Variants in NTNG1 observed in about 807,000 individuals in gnomAD.
The protein encoded by NTNG1 is netrin-G1.
NTNG1 carries 16 observed loss-of-function variants against 54.0 expected under a neutral mutation model. The ratio of observed to expected loss-of-function variants is 0.30; its 90% CI spans 0.20 to 0.45. The LOEUF (loss-of-function observed/expected upper bound fraction) is 0.45, where lower values mean the gene tolerates loss of function less well. Among genes scored for constraint, NTNG1 ranks in the 20% least tolerant of loss-of-function variants. NTNG1 has a pLI of 1.00. For missense variants in NTNG1, 530 were observed against 678.7 expected, an observed-to-expected ratio of 0.78 and a Z score of 2.43; for synonymous variants, 255 against 263.1, an observed-to-expected ratio of 0.97 and a Z score of 0.30.
rs115246201 is a variant in NTNG1, at chr1:107,313,304, C to T, written c.247-10978C>T. 3.4e-3 allele frequency among the ~76,000 whole-genome samples: 525 copies of T among 152,210 alleles called. 2 individuals carry two copies. Among genetic ancestry groups the T allele is most frequent in the African/African-American group, 0.012 (512 of 41,510 alleles). On this transcript the variant is annotated intron_variant, in intron 2 of 7. Transcript: ENST00000370068. The stretch of plus-strand genomic sequence containing the variant: ...TGGCAGGAATATTTCCAAGTGATAC[C>T]TGCCTCGTTTGGACCCACCCAATAG...
chr1:107,149,168 A>G (rs1032832137), intron 2 of NTNG1, among the ~76,000 whole-genome samples: 1 of 152,236 alleles, frequency 6.6e-6, no homozygotes, highest in Non-Finnish European at 1.5e-5. Flanking sequence ...AAATATGATT[A>G]GGTCATATCT....
At chr1:107,383,178 G>A (rs1368026788) in intron 3 of NTNG1, among the ~76,000 whole-genome samples, 1 of 152,106 alleles carries the variant, frequency 6.6e-6, no homozygotes, top group Non-Finnish European at 1.5e-5. Flanking sequence ...AAGTAGACAA[G>A]TATACATATT....
At chr1:107,216,867 T>C (rs1444408851) in intron 2 of NTNG1, among the ~76,000 whole-genome samples, 3 of 152,014 alleles carry the variant, frequency 2.0e-5, no homozygotes, top group East Asian at 3.9e-4. Context: ...TTAGTAGAGA[T>C]GGGGTTTCAC....
chr1:107,360,014 TAATC>T (rs1171023963), intron 3 of NTNG1, among the ~76,000 whole-genome samples: 3 of 152,196 alleles, frequency 2.0e-5, no homozygotes, highest in Non-Finnish European at 4.4e-5. Context: ...GCATACCTCT[TAATC>T]AAGCCTAAAC....
chr1:107,394,560 G>A (rs1240989502), intron 3 of NTNG1, among the ~76,000 whole-genome samples: 2 of 152,038 alleles, frequency 1.3e-5, no homozygotes, highest in East Asian at 1.9e-4. Context: ...ACCCCCCTTC[G>A]GGTCTGTTAG....
chr1:107,158,912 A>G (rs1213357781), intron 2 of NTNG1, among the ~76,000 whole-genome samples: 1 of 152,204 alleles, frequency 6.6e-6, no homozygotes, highest in Non-Finnish European at 1.5e-5. Flanking sequence ...TGGGATGTGT[A>G]AAACTATAAA....
At chr1:107,207,192 T>C (rs1005189709) in intron 2 of NTNG1, among the ~76,000 whole-genome samples, 1 of 152,176 alleles carries the variant, frequency 6.6e-6, no homozygotes, top group African/African-American at 2.4e-5. Context: ...TGACACAGCT[T>C]TGTTATCCTC....
At chr1:107,167,564 C>T (rs1655900781) in intron 2 of NTNG1, among the ~76,000 whole-genome samples, 1 of 151,286 alleles carries the variant, frequency 6.6e-6, no homozygotes, top group South Asian at 2.1e-4. Flanking sequence ...AGGTAAAAGC[C>T]TCATTTAAAA....
chr1:107,302,041 T>G (rs567162061), intron 2 of NTNG1, among the ~76,000 whole-genome samples: 2 of 152,254 alleles, frequency 1.3e-5, no homozygotes, highest in South Asian at 4.1e-4. Context: ...TCCAACCTCT[T>G]TATATTACAA....
intron 7 of NTNG1, among the ~76,000 whole-genome samples, chr1:107,447,703 C>T (rs1676391637): frequency 6.6e-6 from 1 of 152,040 alleles, no homozygotes; most frequent in African/African-American, 2.4e-5. Context: ...TTCAATACGT[C>T]CTTTCAAATA....
intron 3 of NTNG1, among the ~76,000 whole-genome samples, chr1:107,386,573 C>CT (rs1308746562): frequency 6.6e-6 from 1 of 152,148 alleles, no homozygotes; most frequent in African/African-American, 2.4e-5. Context: ...GTACTTCATT[C>CT]TTTTTTATGG....
intron 3 of NTNG1, among the ~76,000 whole-genome samples, chr1:107,360,629 T>A (rs1364517253): frequency 6.6e-6 from 1 of 152,248 alleles, no homozygotes; most frequent in Non-Finnish European, 1.5e-5. Flanking sequence ...ATAATTTATT[T>A]GAATTCTGAA....
At chr1:107,149,559 G>T (rs1012765325) in intron 2 of NTNG1, among the ~76,000 whole-genome samples, 3 of 152,118 alleles carry the variant, frequency 2.0e-5, no homozygotes, top group African/African-American at 7.2e-5. Flanking sequence ...CAAAGTTACA[G>T]AATTCATTGT....
At chr1:107,363,014 T>G (rs901467172) in intron 3 of NTNG1, among the ~76,000 whole-genome samples, 8 of 152,238 alleles carry the variant, frequency 5.3e-5, no homozygotes, top group African/African-American at 1.9e-4. Flanking sequence ...GAAGGCTGGC[T>G]GACTGAATTT....
intron 2 of NTNG1, among the ~76,000 whole-genome samples, chr1:107,288,783 G>T (rs1384523129): frequency 6.6e-6 from 1 of 152,114 alleles, no homozygotes. Context: ...TTTTGAGAAG[G>T]TTTAATTTAT....
intron 3 of NTNG1, among the ~76,000 whole-genome samples, chr1:107,344,961 A>G (rs990606601): frequency 1.2e-4 from 19 of 152,196 alleles, no homozygotes; most frequent in African/African-American, 4.6e-4. Context: ...TTTAAAACAG[A>G]TGAAAACTAT....
intron 2 of NTNG1, among the ~76,000 whole-genome samples, chr1:107,207,245 T>C (rs954076124): frequency 6.6e-6 from 1 of 152,186 alleles, no homozygotes; most frequent in South Asian, 2.1e-4. Flanking sequence ...GAAACACTCT[T>C]CCTGGCACTA....
intron 3 of NTNG1, among the ~76,000 whole-genome samples, chr1:107,388,590 C>T (rs915737494): frequency 6.6e-6 from 1 of 152,198 alleles, no homozygotes; most frequent in African/African-American, 2.4e-5. Context: ...AAGCAATGAG[C>T]ACAATGCCAG....
At chr1:107,296,307 AT>A (rs930934288) in intron 2 of NTNG1, among the ~76,000 whole-genome samples, 4 of 152,138 alleles carry the variant, frequency 2.6e-5, no homozygotes, top group African/African-American at 9.6e-5. Flanking sequence ...AGTGGAAGGA[AT>A]CATAGGTCAA....
Sources: allele counts gnomAD v4.1 joint callset (sites outside exome capture counted in the v4.1 genomes callset), GRCh38; gene constraint gnomAD v4.1.1; transcripts MANE v1.5; gene names NCBI Gene and HGNC (gene_info 2026-07-23, HGNC 2026-07-21).